NEXMIF: variants seen among roughly 807,000 people sequenced by gnomAD.
The protein encoded by NEXMIF is XLMR protein related to neurite extension.
A neutral mutation model predicts 62.1 loss-of-function variants in NEXMIF; 8 were observed. The observed-to-expected ratio is 0.13, with a 90% CI of 0.08 to 0.23. NEXMIF has a LOEUF of 0.23. Ranked by LOEUF, NEXMIF falls within the 10% of genes least tolerant of loss-of-function variation. NEXMIF has a pLI of 1.00. For missense variants in NEXMIF, 976 were observed against 1,113.3 expected (o/e 0.88, Z 1.75); for synonymous variants, 404 against 416.6 (o/e 0.97, Z 0.37).
At chrX:74,896,047 C>T (rs917666925) in intron 1 of NEXMIF, among the ~76,000 whole-genome samples, 1 of 111,122 alleles carries the variant, frequency 9.0e-6, no homozygotes, top group African/African-American at 3.3e-5. Flanking sequence ...CCCCGTTTCC[C>T]CTTTTTCCAT....
intron 1 of NEXMIF, among the ~76,000 whole-genome samples, chrX:74,796,209 TTATA>T (rs1393909984): frequency 2.1e-5 from 1 of 46,615 alleles, no homozygotes; most frequent in Admixed American, 3.7e-4. Flanking sequence ...TACATATATA[TTATA>T]TATATATACA....
chrX:74,877,159 C>T (rs1453644086), intron 1 of NEXMIF, among the ~76,000 whole-genome samples: 1 of 111,435 alleles, frequency 9.0e-6, no homozygotes. Context: ...TTAGCGCTTC[C>T]TTCAGGAGCT....
intron 1 of NEXMIF, among the ~76,000 whole-genome samples, chrX:74,845,426 G>A (rs2080488715): frequency 9.0e-6 from 1 of 111,497 alleles, no homozygotes; most frequent in African/African-American, 3.3e-5. Context: ...CTTTGTTTGG[G>A]GTGGGGGTTA....
At chrX:74,790,124 C>A (rs1297174598) in intron 1 of NEXMIF, among the ~76,000 whole-genome samples, 2 of 107,364 alleles carry the variant, frequency 1.9e-5, no homozygotes, top group African/African-American at 3.3e-5. Flanking sequence ...ACGTTTAACT[C>A]TTTAATCCAT....
chrX:74,854,732 C>T lies in NEXMIF; in HGVS notation c.-48+70151G>A, dbSNP rs1336034968. 6.2e-5 allele frequency among the ~76,000 whole-genome samples: 7 copies of T among 112,038 alleles called. No individual in the cohort carries two copies. The Admixed American group carries it at 6.6e-4, about 11-fold the overall frequency. On this transcript the variant is annotated intron_variant, in intron 1 of 3. Coordinates refer to ENST00000055682, the MANE Select transcript of NEXMIF (RefSeq NM_001008537.3). ...AGTTACAGAACACAAAATCAACACA[C>T]ACAAATCAGTAGTATTTCTACACAT...
At chrX:74,890,425 TG>T (rs1289863094) in intron 1 of NEXMIF, among the ~76,000 whole-genome samples, 19 of 110,679 alleles carry the variant, frequency 1.7e-4, no homozygotes, top group African/African-American at 5.9e-4. Context: ...AATTGACAAC[TG>T]GTCTGAAAGA....
At chrX:74,753,079 T>G (rs2080149088) in intron 1 of NEXMIF, among the ~76,000 whole-genome samples, 1 of 111,933 alleles carries the variant, frequency 8.9e-6, no homozygotes, top group Non-Finnish European at 1.9e-5. Context: ...AATCAAAGAG[T>G]GCTTTTGTTG....
Position 74,792,940 on chromosome X carries a change from C to G in NEXMIF, c.-47-47243G>C, listed in dbSNP as rs1483987006. On this transcript the variant is annotated intron_variant, in intron 1 of 3. Transcript: ENST00000055682. ...TTGACTCTTTATCCAATTTGCCAGT[C>G]TGTGTCTTTTAATTGGAGCATTTAG... 5.6e-5 allele frequency among the ~76,000 whole-genome samples: 6 copies of G among 106,631 alleles called. No homozygotes were observed. In the East Asian group the frequency reaches 1.2e-3, roughly 21 times the overall value. The allele number at this position is 106,631 out of a possible 115,157, so 92.6% of individuals were successfully genotyped here.
At chrX:74,787,104 C>CAAAA (rs766388500) in intron 1 of NEXMIF, among the ~76,000 whole-genome samples, 2 of 31,757 alleles carry the variant, frequency 6.3e-5, no homozygotes, top group East Asian at 6.6e-4. Context: ...ACCAAAAATA[C>CAAAA]AAAAAAAAAA....
At chrX:74,806,734 A>T (rs1331322366) in intron 1 of NEXMIF, among the ~76,000 whole-genome samples, 1 of 112,501 alleles carries the variant, frequency 8.9e-6, no homozygotes, top group Non-Finnish European at 1.9e-5. Context: ...TTTTATGTTA[A>T]TTTTTGTGAA....
At chrX:74,885,252 C>G (rs1202746038) in intron 1 of NEXMIF, among the ~76,000 whole-genome samples, 1 of 110,814 alleles carries the variant, frequency 9.0e-6, no homozygotes, top group African/African-American at 3.3e-5. Flanking sequence ...GAAGCAACAG[C>G]AAAAAAATTC....
intron 1 of NEXMIF, among the ~76,000 whole-genome samples, chrX:74,788,387 T>C (rs1347235945): frequency 8.9e-6 from 1 of 111,790 alleles, no homozygotes; most frequent in African/African-American, 3.3e-5. Context: ...GATGTTAAAC[T>C]TATAAAGTCC....
chrX:74,747,255 CT>C (rs1417395661), intron 1 of NEXMIF, among the ~76,000 whole-genome samples: 2 of 111,596 alleles, frequency 1.8e-5, no homozygotes, highest in East Asian at 5.6e-4. Flanking sequence ...CTTCTTATCC[CT>C]TATGTCTATA....
At chrX:74,787,294 G>GAA (rs34477446) in intron 1 of NEXMIF, among the ~76,000 whole-genome samples, 26 of 94,854 alleles carry the variant, frequency 2.7e-4, no homozygotes, top group Admixed American at 3.5e-4. Flanking sequence ...AAAGAAAAAA[G>GAA]AAAAAAAAAA....
intron 1 of NEXMIF, among the ~76,000 whole-genome samples, chrX:74,849,725 G>A (rs775876958): frequency 8.9e-6 from 1 of 112,339 alleles, no homozygotes; most frequent in African/African-American, 3.2e-5. Flanking sequence ...GCTATAGGGT[G>A]CATTTTCCCA....
intron 1 of NEXMIF, among the ~76,000 whole-genome samples, chrX:74,877,058 C>T (rs2080638367): frequency 9.0e-6 from 1 of 111,364 alleles, no homozygotes; most frequent in African/African-American, 3.3e-5. Context: ...GTATTTTGCT[C>T]GTTAGTTGAT....
chrX:74,804,877 T>C (rs1244256251), intron 1 of NEXMIF, among the ~76,000 whole-genome samples: 1 of 111,944 alleles, frequency 8.9e-6, no homozygotes, highest in Non-Finnish European at 1.9e-5. Context: ...CCCCAGAGCA[T>C]TTTAGCCTGT....
intron 1 of NEXMIF, among the ~76,000 whole-genome samples, chrX:74,904,641 T>C (rs2080760843): frequency 9.0e-6 from 1 of 111,719 alleles, no homozygotes; most frequent in African/African-American, 3.2e-5. Context: ...GTATTTCCCA[T>C]GCTTTATTAA....
chrX:74,734,515 CTCTTT>C lies in NEXMIF; in HGVS notation c.*4885_*4889del, dbSNP rs1405817224. The C allele has an allele frequency of 8.9e-6, 1 of 112,034 alleles. No individual in the cohort carries two copies. The highest frequency in any genetic ancestry group is 9.5e-5 in the Admixed American group (1 of 10,481). 9.2% of individuals were successfully genotyped at this position (112,034 alleles called of 1,213,427 possible). On this transcript the variant is annotated 3_prime_UTR_variant, in exon 4 of 4. Transcript: ENST00000055682. ...CAAACAGGCAGAATGATTTCAATAT[CTCTTT>C]TCTTCTTTTTGAAATGGGATGTCAT...
Sources: allele counts gnomAD v4.1 joint callset (sites outside exome capture counted in the v4.1 genomes callset), GRCh38; gene constraint gnomAD v4.1.1; transcripts MANE v1.5; gene names NCBI Gene and HGNC (gene_info 2026-07-23, HGNC 2026-07-21).